ZCRB1: variants seen among roughly 807,000 people sequenced by gnomAD.
ZCRB1 encodes the protein zinc finger CCHC-type and RNA binding motif containing 1.
Under a neutral mutation model 29.9 loss-of-function variants are expected in ZCRB1, and 21 were observed. The ratio of observed to expected loss-of-function variants is 0.70; its 90% confidence interval spans 0.50 to 1.01. ZCRB1 has a LOEUF of 1.01. ZCRB1 is among the 50% of genes least tolerant of loss of function. ZCRB1 has a pLI of 0.00. For missense variants in ZCRB1, 204 were observed against 253.3 expected (o/e 0.81, Z 1.32); for synonymous variants, 77 against 80.0 (o/e 0.96, Z 0.20).
intron 1 of ZCRB1, among the ~76,000 whole-genome samples, chr12:42,324,629 T>C (rs979315638): frequency 7.9e-5 from 12 of 152,374 alleles, no homozygotes; most frequent in Middle Eastern, 3.4e-3. Flanking sequence ...CAGGCTGAAT[T>C]AAGGAATTCC....
rs375431138 is a variant in ZCRB1 at position 42,313,944 on chromosome 12, C to T, written c.376G>A (p.Gly126Arg). The T allele has an allele frequency of 3.8e-5, 61 of 1,602,904 alleles. No homozygotes were observed. Among genetic ancestry groups the T allele is most frequent in the Admixed American group, 1.0e-4 (6 of 57,616 alleles). ...LSYACPKNML[G>R]EREPPKKKEK... ...TTCTTCTTTGGAGGCTCACGTTCTC[C>T]GAGCATATTTTTCGGACAGGCATAA... Residue 126 changes from glycine to arginine, a missense_variant, in exon 6 of 8, where the codon GGA becomes AGA. Gly to Arg is a moderately radical substitution (Grantham distance 125). Transcript: ENST00000266529.
At chr12:42,313,483 G>C (rs1380588494) in intron 7 of ZCRB1, among the ~76,000 whole-genome samples, 3 of 152,142 alleles carry the variant, frequency 2.0e-5, no homozygotes, top group African/African-American at 2.4e-5. Context: ...AAGATAGTAA[G>C]TGTTGTGGGG....
rs1254311367 is a variant in ZCRB1 at position 42,313,139 on chromosome 12, T to C, written c.582A>G (p.Thr194=). The change falls in exon 8 of 8, where the codon ACA becomes ACG. Residue 194 remains threonine (T), a synonymous_variant. Transcript: ENST00000266529. ...KWKPSSGVPS[T]SDDSRRPRIK... The stretch of plus-strand genomic sequence containing the variant: ...TCCTTGGGCGTCTTGAATCATCTGA[T>C]GTTGAGGGGACTCCTGAACTGGGTT... 6.2e-7 allele frequency: 1 copy of C among 1,612,852 alleles called. No homozygotes were observed. Among genetic ancestry groups the C allele is most frequent in the Non-Finnish European group, 8.5e-7 (1 of 1,179,444 alleles).
chr12:42,317,737 G>A, intron 4 of ZCRB1, 50 bp downstream of exon 4: 1 of 1,535,492 alleles, frequency 6.5e-7, no homozygotes, highest in Non-Finnish European at 9.0e-7. Context: ...TGGCCTGGAT[G>A]AGCATAAAGG....
intron 1 of ZCRB1, among the ~76,000 whole-genome samples, chr12:42,324,522 A>G (rs2068653351): frequency 6.6e-6 from 1 of 152,246 alleles, no homozygotes; most frequent in African/African-American, 2.4e-5. Flanking sequence ...AAAAAACAAA[A>G]AACAAAAACC....
intron 7 of ZCRB1, 131 bp downstream of exon 7, chr12:42,313,559 C>T: frequency 1.0e-6 from 1 of 964,968 alleles, no homozygotes; most frequent in Non-Finnish European, 1.5e-6. Flanking sequence ...CTCAGAGAAA[C>T]AGCTTGTCTC....
Position 42,320,623 on chromosome 12 carries a change from T to C in ZCRB1, c.113+1795A>G, listed in dbSNP as rs191440744. On this transcript the variant is annotated intron_variant, in intron 3 of 7. Transcript: ENST00000266529. ...CCACCAGGGCCGGCTACTTTTTGTATTTTTTGTAGAGATGGGGTTTCTCCA... is the reference window on the plus strand; with the variant it reads ...CCACCAGGGCCGGCTACTTTTTGTACTTTTTGTAGAGATGGGGTTTCTCCA... 1.1e-4 allele frequency among the ~76,000 whole-genome samples: 17 copies of C among 152,176 alleles called. 1 individual carries two copies. Among genetic ancestry groups the C allele is most frequent in the Admixed American group, 1.0e-3 (16 of 15,276 alleles).
rs774077188 is a variant in ZCRB1, at chr12:42,324,030, C to T, written c.73G>A (p.Asp25Asn). 2 of 1,613,760 alleles carry T rather than the reference C, an allele frequency of 1.2e-6. No homozygotes were observed. The highest frequency in any genetic ancestry group is 1.7e-6 in the Non-Finnish European group (2 of 1,179,822). ...TAAGATTTACTTACCCGGTACAAGT[C>T]ATTGTTTGTCAGGGAAAAAGGCAAG... is the stretch of plus-strand genomic sequence containing the variant. ...SNLPFSLTNNDLYRIFSKYGK... is the reference protein window; with the variant it reads ...SNLPFSLTNNNLYRIFSKYGK... Residue 25 changes from aspartate (D) to asparagine (N), a missense_variant, in exon 2 of 8, where the codon GAC becomes AAC. Coordinates refer to ENST00000266529, the MANE Select transcript of ZCRB1 (RefSeq NM_033114.4).
chr12:42,317,775 T>G lies in ZCRB1; in HGVS notation c.225+12A>C, dbSNP rs778578854. ...TTGGGGCTAAAAACCTTGATGGAGA[T>G]GAATAGCTTACCTGTTTGTTGTTTA... On this transcript the variant is annotated intron_variant, in intron 4 of 7. Transcript: ENST00000266529. 1 of 1,610,098 alleles carries G rather than the reference T, an allele frequency of 6.2e-7. No homozygotes were observed. The highest frequency in any genetic ancestry group is 8.5e-7 in the Non-Finnish European group (1 of 1,178,476).
chr12:42,312,635 T>C lies in ZCRB1; in HGVS notation c.*432A>G, dbSNP rs941684126. 1 of 152,290 alleles carries C rather than the reference T, an allele frequency of 6.6e-6. No individual in the cohort carries two copies. Among genetic ancestry groups the C allele is most frequent in the African/African-American group, 2.4e-5 (1 of 41,448 alleles). The allele number at this position is 152,290 out of a possible 1,614,324, so 9.4% of individuals were successfully genotyped here. ...GGGTAGGGCAGACAAATAACACCTG[T>C]GTTTGATTTTAAGCCTTTTAGAGCT... On this transcript the variant is annotated 3_prime_UTR_variant, in exon 8 of 8. Coordinates refer to ENST00000266529, the MANE Select transcript of ZCRB1 (RefSeq NM_033114.4).
intron 1 of ZCRB1, chr12:42,325,502 T>A (rs2137542843): frequency 6.6e-6 from 1 of 152,328 alleles, no homozygotes; most frequent in East Asian, 1.9e-4. Context: ...AATCAGTAAT[T>A]TTCACATCTT....
At chr12:42,317,604 C>T (rs1333645703) in intron 4 of ZCRB1, among the ~76,000 whole-genome samples, 157 bp from the exon 5 acceptor site, 3 of 152,080 alleles carry the variant, frequency 2.0e-5, no homozygotes, top group Admixed American at 1.3e-4. Flanking sequence ...TATTCTTATT[C>T]CTGAGATTCC....
intron 3 of ZCRB1, among the ~76,000 whole-genome samples, chr12:42,321,270 CAA>C (rs576082727): frequency 1.1e-3 from 163 of 152,212 alleles, no homozygotes; most frequent in Middle Eastern, 6.8e-3. Context: ...GAGATTCTAA[CAA>C]AGTGGAAAAA....
intron 3 of ZCRB1, among the ~76,000 whole-genome samples, chr12:42,319,880 A>G (rs1293948468): frequency 6.6e-6 from 1 of 152,206 alleles, no homozygotes; most frequent in Non-Finnish European, 1.5e-5. Context: ...GTGTTCATTC[A>G]TTCGGTCACT....
chr12:42,318,273 A>G (rs2068604622), intron 3 of ZCRB1, among the ~76,000 whole-genome samples: 1 of 152,212 alleles, frequency 6.6e-6, no homozygotes, highest in Admixed American at 6.5e-5. Context: ...TTATTTTTCT[A>G]AGTGTTAGAA....
intron 3 of ZCRB1, among the ~76,000 whole-genome samples, chr12:42,321,082 T>C (rs2068619021): frequency 6.6e-6 from 1 of 152,232 alleles, no homozygotes; most frequent in East Asian, 1.9e-4. Flanking sequence ...TATTTTTGCC[T>C]ACTTAACTCT....
At chr12:42,313,823 C>CA in intron 6 of ZCRB1, 51 bp downstream of exon 6, 1 of 1,610,838 alleles carries the variant, frequency 6.2e-7, no homozygotes, top group Non-Finnish European at 8.5e-7. Context: ...AGCAACCAAC[C>CA]AAAAGACAAA....
intron 5 of ZCRB1, among the ~76,000 whole-genome samples, chr12:42,316,799 A>G (rs2068596799): frequency 6.6e-6 from 1 of 152,210 alleles, no homozygotes; most frequent in Non-Finnish European, 1.5e-5. Flanking sequence ...ACACTTTTAA[A>G]ACTAGTGATT....
intron 5 of ZCRB1, among the ~76,000 whole-genome samples, chr12:42,316,000 C>A (rs2068592838): frequency 2.0e-5 from 3 of 152,114 alleles, no homozygotes; most frequent in Non-Finnish European, 4.4e-5. Context: ...TTGCATCTTC[C>A]ATGTGATTTT....
Sources: gnomAD v4.1 joint callset for allele counts (sites outside exome capture counted in the v4.1 genomes callset) on GRCh38, gnomAD v4.1.1 for gene constraint, MANE v1.5 for transcripts, NCBI Gene and HGNC (gene_info 2026-07-23, HGNC 2026-07-21) for gene names.